The following STYK1 variants were observed in gnomAD, a reference collection of about 807,000 sequenced individuals.
STYK1 encodes the protein tyrosine-protein kinase STYK1.
STYK1 carries 46 observed loss-of-function variants against 48.1 expected under a neutral mutation model. That is an observed-to-expected ratio of 0.96 (90% CI 0.75 to 1.22). The LOEUF is 1.22. Among genes scored for constraint, STYK1 ranks in the 50% most tolerant of loss-of-function variants. The pLI, the probability that STYK1 is intolerant of heterozygous loss-of-function variation, is 0.00. For synonymous variants in STYK1, 188 were observed against 189.0 expected (o/e 0.99, Z 0.04); for missense variants, 527 against 521.1 (o/e 1.01, Z -0.11).
chr12:10,667,981 CG>C (rs1182692814), intron 1 of STYK1, among the ~76,000 whole-genome samples: 2 of 152,162 alleles, frequency 1.3e-5, no homozygotes, highest in African/African-American at 4.8e-5. Flanking sequence ...TTTAAGCCAA[CG>C]GATGGATAGA....
intron 1 of STYK1, among the ~76,000 whole-genome samples, chr12:10,645,981 C>T (rs748994794): frequency 1.6e-4 from 24 of 152,196 alleles, no homozygotes; most frequent in Admixed American, 2.6e-4. Flanking sequence ...TTGCCTTCCA[C>T]CATGATTGGG....
At chr12:10,635,279 T>C (rs1947474205) in intron 2 of STYK1, among the ~76,000 whole-genome samples, 1 of 152,220 alleles carries the variant, frequency 6.6e-6, no homozygotes, top group Admixed American at 6.5e-5. Context: ...AGCTACCATT[T>C]CTAGCTCTAA....
At position 10,619,941 on chromosome 12, in the gene STYK1, G is replaced by T; in HGVS notation, c.*203C>A. ...TTTCTAGGACTGGGACAGCAGAAGTGAGACTGACAGTATGTCTTAGCTCAG... is the reference window on the plus strand; with the variant it reads ...TTTCTAGGACTGGGACAGCAGAAGTTAGACTGACAGTATGTCTTAGCTCAG... On this transcript the variant is annotated 3_prime_UTR_variant, in exon 11 of 11. Transcript: ENST00000075503. 1.6e-6 allele frequency: 1 copy of T among 628,478 alleles called. No homozygotes were observed. The highest frequency in any genetic ancestry group is 2.8e-6 in the Non-Finnish European group (1 of 361,398). The allele number at this position is 628,478 out of a possible 1,614,324, so 38.9% of individuals were successfully genotyped here.
chr12:10,641,273 T>C (rs1947541105), intron 1 of STYK1, among the ~76,000 whole-genome samples: 5 of 152,134 alleles, frequency 3.3e-5, no homozygotes, highest in Admixed American at 3.3e-4. Context: ...AGAAGATGGG[T>C]TGGGGCTGCT....
chr12:10,649,823 T>C (rs1414929893), intron 1 of STYK1, among the ~76,000 whole-genome samples: 1 of 152,142 alleles, frequency 6.6e-6, no homozygotes, highest in South Asian at 2.1e-4. Flanking sequence ...TCAAGATTAA[T>C]GGCTTCAGGC....
At chr12:10,671,017 T>TTTTG (rs869234076) in intron 1 of STYK1, among the ~76,000 whole-genome samples, 2 of 147,120 alleles carry the variant, frequency 1.4e-5, no homozygotes, top group Non-Finnish European at 3.0e-5. Context: ...TTTTTTTTTT[T>TTTTG]GACAGTCTGG....
At chr12:10,663,658 A>G (rs927559033) in intron 1 of STYK1, among the ~76,000 whole-genome samples, 2 of 140,364 alleles carry the variant, frequency 1.4e-5, no homozygotes, top group African/African-American at 2.6e-5. Flanking sequence ...TGATTCCTCC[A>G]ACTTTGTTCT....
chr12:10,672,720 C>G lies in STYK1; in HGVS notation c.-195+1246G>C, dbSNP rs1474341046. On this transcript the variant is annotated intron_variant, in intron 1 of 10. Transcript: ENST00000075503. The surrounding 1 kb of genome is among the most constrained non-coding windows in gnomAD (Gnocchi z 4.0). ...AAAATTGTCTTCCACAAAATCAGTC[C>G]CTGGTGCCTGGTGCCAAAAGCCATG... 6.6e-6 allele frequency among the ~76,000 whole-genome samples: 1 copy of G among 152,142 alleles called. No individual in the cohort carries two copies. The highest frequency in any genetic ancestry group is 1.5e-5 in the Non-Finnish European group (1 of 68,010).
intron 1 of STYK1, among the ~76,000 whole-genome samples, chr12:10,648,709 A>C (rs1400761271): frequency 6.6e-6 from 1 of 151,906 alleles, no homozygotes; most frequent in Non-Finnish European, 1.5e-5. Context: ...GGCTCACTGC[A>C]GACTTGATCT....
intron 1 of STYK1, among the ~76,000 whole-genome samples, chr12:10,637,630 T>G (rs1947501101): frequency 6.6e-6 from 1 of 152,112 alleles, no homozygotes; most frequent in South Asian, 2.1e-4. Context: ...CATGAGCCAC[T>G]GCGCCTGGCC....
intron 1 of STYK1, among the ~76,000 whole-genome samples, chr12:10,658,882 A>T (rs1185194767): frequency 3.3e-5 from 5 of 152,204 alleles, no homozygotes; most frequent in Non-Finnish European, 7.3e-5. Context: ...AGAGGTAACC[A>T]TATTTCCTTG....
At chr12:10,639,146 A>G (rs1947516987) in intron 1 of STYK1, among the ~76,000 whole-genome samples, 2 of 152,196 alleles carry the variant, frequency 1.3e-5, no homozygotes, top group African/African-American at 4.8e-5. Context: ...ACAAAAACAA[A>G]AAACAAAACC....
intron 10 of STYK1, among the ~76,000 whole-genome samples, chr12:10,621,371 A>G (rs988890457): frequency 6.6e-6 from 1 of 152,100 alleles, no homozygotes; most frequent in Non-Finnish European, 1.5e-5. Context: ...GTTGGCTTCT[A>G]TCACACTGAG....
intron 1 of STYK1, among the ~76,000 whole-genome samples, chr12:10,646,802 C>T (rs1481177912): frequency 1.3e-5 from 2 of 152,194 alleles, no homozygotes; most frequent in African/African-American, 2.4e-5. Context: ...AATCTAGGGA[C>T]TTGGTGCCCT....
chr12:10,622,045 C>A, intron 9 of STYK1, 73 bp from the exon 10 acceptor site: 1 of 1,390,546 alleles, frequency 7.2e-7, no homozygotes, highest in Non-Finnish European at 1.0e-6. Flanking sequence ...ATTCTTCATC[C>A]ACTTGGGTTG....
chr12:10,644,788 C>T (rs1306484402), intron 1 of STYK1, among the ~76,000 whole-genome samples: 2 of 150,448 alleles, frequency 1.3e-5, no homozygotes, highest in East Asian at 1.9e-4. Flanking sequence ...ATTTAAGATG[C>T]CAGTGTGACT....
intron 1 of STYK1, among the ~76,000 whole-genome samples, chr12:10,653,743 T>G (rs2418088): frequency 0.36 from 54,397 of 152,064 alleles, 10,168 homozygotes; most frequent in Non-Finnish European, 0.43. Context: ...CAAAGGTATA[T>G]GAATATTGCT....
chr12:10,622,875 A>T (rs1168832344), intron 8 of STYK1, among the ~76,000 whole-genome samples, 197 bp from the exon 9 acceptor site: 1 of 152,198 alleles, frequency 6.6e-6, no homozygotes, highest in Non-Finnish European at 1.5e-5. Flanking sequence ...AATCTCTTTT[A>T]AGATTGAAAT....
At chr12:10,657,350 G>T (rs1073305) in intron 1 of STYK1, among the ~76,000 whole-genome samples, 93,343 of 152,028 alleles carry the variant, frequency 0.61, 28,846 homozygotes, top group East Asian at 0.79. Flanking sequence ...CTGTTGTGTA[G>T]TCATATGTGT....
Sources: gnomAD v4.1 joint callset for allele counts (sites outside exome capture counted in the v4.1 genomes callset) on GRCh38, gnomAD v4.1.1 for gene constraint, Gnocchi (gnomAD v3.1) non-coding constraint, MANE v1.5 for transcripts, NCBI Gene and HGNC (gene_info 2026-07-23, HGNC 2026-07-21) for gene names.